RSU1: variants seen among roughly 807,000 people sequenced by gnomAD.
RSU1 encodes the protein rsu-1.
In RSU1, 26 loss-of-function variants were observed where a neutral mutation model predicts 31.1. The observed-to-expected ratio is 0.84, with a 90% confidence interval of 0.61 to 1.16. The LOEUF (loss-of-function observed/expected upper bound fraction) is 1.16, where lower values mean the gene tolerates loss of function less well. Among genes scored for constraint, RSU1 ranks in the 50% most tolerant of loss-of-function variants. The pLI is 0.00. For missense variants in RSU1, 320 were observed against 339.1 expected (o/e 0.94, Z 0.44); for synonymous variants, 164 against 136.3 (o/e 1.20, Z -1.41).
intron 7 of RSU1, among the ~76,000 whole-genome samples, chr10:16,724,175 T>C (rs922677810): frequency 1.5e-4 from 23 of 152,150 alleles, no homozygotes; most frequent in African/African-American, 4.6e-4. Context: ...ACTCCTGACC[T>C]CAGGTAATTT....
At chr10:16,784,669 G>C (rs1408610217) in intron 2 of RSU1, among the ~76,000 whole-genome samples, 3 of 152,228 alleles carry the variant, frequency 2.0e-5, no homozygotes, top group Non-Finnish European at 2.9e-5. Context: ...AGAAGGCAAA[G>C]AGGAAGCAAA....
In RSU1 at chr10:16,649,553, C is replaced by T. The variant is rs561239903; in HGVS notation, c.731+45470G>A. 2.6e-5 allele frequency among the ~76,000 whole-genome samples: 4 copies of T among 152,268 alleles called. No individual in the cohort carries two copies. The South Asian group carries it at 8.3e-4, about 32-fold the overall frequency. ...AAAACAGAAAATGAACTCAAATGCC[C>T]TGTTACTACCTTGCAAATCAGCGAC... On this transcript the variant is annotated intron_variant, in intron 8 of 8. Transcript: ENST00000345264.
chr10:16,635,732 T>G (rs946070355), intron 8 of RSU1, among the ~76,000 whole-genome samples: 3 of 152,234 alleles, frequency 2.0e-5, no homozygotes, highest in Admixed American at 1.3e-4. Flanking sequence ...TTCCAGCAAT[T>G]GCAATTTATT....
At chr10:16,757,640 C>G (rs1015845770) in intron 4 of RSU1, among the ~76,000 whole-genome samples, 3 of 152,088 alleles carry the variant, frequency 2.0e-5, no homozygotes, top group African/African-American at 4.8e-5. Flanking sequence ...AAAAAACAGC[C>G]TAAGAGAGGG....
intron 8 of RSU1, among the ~76,000 whole-genome samples, chr10:16,619,206 T>C (rs932325901): frequency 1.3e-5 from 2 of 152,228 alleles, no homozygotes; most frequent in Non-Finnish European, 2.9e-5. Context: ...TATTACTTGA[T>C]AGAATACTCA....
intron 8 of RSU1, among the ~76,000 whole-genome samples, chr10:16,690,990 G>A (rs570375778): frequency 4.0e-5 from 6 of 151,854 alleles, no homozygotes; most frequent in African/African-American, 1.5e-4. Context: ...GGAAGTATGC[G>A]GCTTAAACAA....
At chr10:16,740,864 T>C (rs1365649959) in intron 7 of RSU1, among the ~76,000 whole-genome samples, 3 of 152,216 alleles carry the variant, frequency 2.0e-5, no homozygotes, top group African/African-American at 7.2e-5. Flanking sequence ...GAAGCCTTCA[T>C]ATTGTTGAGA....
At chr10:16,618,400 T>C (rs1834015045) in intron 8 of RSU1, among the ~76,000 whole-genome samples, 1 of 152,206 alleles carries the variant, frequency 6.6e-6, no homozygotes, top group African/African-American at 2.4e-5. Flanking sequence ...AGTTTAACCA[T>C]TGTGGAAGTC....
At chr10:16,698,019 T>A (rs1311765369) in intron 7 of RSU1, among the ~76,000 whole-genome samples, 8 of 113,934 alleles carry the variant, frequency 7.0e-5, no homozygotes, top group East Asian at 2.6e-4. Flanking sequence ...TTTTTTTTTT[T>A]ACTTTGGGAA....
intron 8 of RSU1, among the ~76,000 whole-genome samples, chr10:16,640,432 T>C (rs1188624468): frequency 6.6e-6 from 1 of 152,182 alleles, no homozygotes; most frequent in South Asian, 2.1e-4. Flanking sequence ...CCTCATTCTA[T>C]GCACAGAGTC....
chr10:16,597,170 G>A (rs1343520394), intron 8 of RSU1, among the ~76,000 whole-genome samples: 3 of 152,228 alleles, frequency 2.0e-5, no homozygotes, highest in Admixed American at 2.0e-4. Flanking sequence ...GAATTGACAA[G>A]GCCCTGCTTC....
At chr10:16,648,314 C>T (rs960369138) in intron 8 of RSU1, among the ~76,000 whole-genome samples, 1 of 152,032 alleles carries the variant, frequency 6.6e-6, no homozygotes, top group African/African-American at 2.4e-5. Context: ...TTTTGTCTTC[C>T]ATCTCACAAA....
chr10:16,668,844 G>C (rs2131534717), intron 8 of RSU1, among the ~76,000 whole-genome samples: 1 of 152,294 alleles, frequency 6.6e-6, no homozygotes, highest in South Asian at 2.1e-4. Context: ...CGTTTCAAGA[G>C]TATCAGCCAC....
chr10:16,636,332 G>A (rs937348184), intron 8 of RSU1, among the ~76,000 whole-genome samples: 7 of 151,220 alleles, frequency 4.6e-5, no homozygotes, highest in African/African-American at 7.3e-5. Flanking sequence ...TCTTCAAGTC[G>A]CTCAGCTAAA....
chr10:16,673,638 C>T (rs1248621797), intron 8 of RSU1, among the ~76,000 whole-genome samples: 1 of 152,178 alleles, frequency 6.6e-6, no homozygotes, highest in Admixed American at 6.5e-5. Flanking sequence ...TCCCTGTGTT[C>T]AACAGGTCAG....
chr10:16,593,641 G>T (rs955997387), intron 8 of RSU1, 145 bp from the exon 9 acceptor site: 2 of 652,104 alleles, frequency 3.1e-6, no homozygotes, highest in Non-Finnish European at 5.4e-6. Context: ...TGTTCTCTGG[G>T]TGCTACGCTG....
chr10:16,797,522 C>T (rs555563220), intron 2 of RSU1, among the ~76,000 whole-genome samples: 35 of 152,170 alleles, frequency 2.3e-4, no homozygotes, highest in South Asian at 6.2e-4. Context: ...AATCCCATAA[C>T]GTTATTATGG....
intron 7 of RSU1, among the ~76,000 whole-genome samples, chr10:16,737,931 A>G (rs1217120699): frequency 1.3e-5 from 2 of 152,234 alleles, no homozygotes; most frequent in African/African-American, 4.8e-5. Context: ...AGAATTATAT[A>G]GACTATGAAT....
At chr10:16,765,348 A>G (rs1425187831) in intron 3 of RSU1, among the ~76,000 whole-genome samples, 1 of 152,172 alleles carries the variant, frequency 6.6e-6, no homozygotes, top group Non-Finnish European at 1.5e-5. Flanking sequence ...ACACACACAT[A>G]CATACATATA....
Sources: gnomAD v4.1 joint callset for allele counts (sites outside exome capture counted in the v4.1 genomes callset) on GRCh38, gnomAD v4.1.1 for gene constraint, MANE v1.5 for transcripts, NCBI Gene and HGNC (gene_info 2026-07-23, HGNC 2026-07-21) for gene names.